The following ASAH1 variants were observed in gnomAD, a reference collection of about 807,000 sequenced individuals.
ASAH1 encodes the protein N-acylsphingosine amidohydrolase 1, also known as acid ceramidase.
A neutral mutation model predicts 59.5 loss-of-function variants in ASAH1; 70 were observed. The ratio of observed to expected loss-of-function variants is 1.18; its 90% CI spans 0.97 to 1.43. ASAH1 has a LOEUF of 1.43. ASAH1 is among the 40% of genes most tolerant of loss of function. ASAH1 has a pLI of 0.00. For missense variants in ASAH1, 660 were observed against 482.5 expected, an observed-to-expected ratio of 1.37 and a Z score of -3.45; for synonymous variants, 213 against 166.5, an observed-to-expected ratio of 1.28 and a Z score of -2.15.
intron 1 of ASAH1, among the ~76,000 whole-genome samples, chr8:18,078,545 G>T (rs567173950): frequency 2.0e-5 from 3 of 152,132 alleles, no homozygotes; most frequent in Non-Finnish European, 4.4e-5. Flanking sequence ...TTAGTTTTAG[G>T]GGTAGGGTGG....
chr8:18,080,962 C>G (rs1425711153), intron 1 of ASAH1, among the ~76,000 whole-genome samples: 1 of 152,186 alleles, frequency 6.6e-6, no homozygotes, highest in East Asian at 1.9e-4. Context: ...TATCCTATTT[C>G]TAGGTAAGTT....
chr8:18,071,334 C>G lies in ASAH1; in HGVS notation c.182G>C (p.Arg61Thr), dbSNP rs1800165104. The G allele has an allele frequency of 1.2e-6, 2 of 1,604,804 alleles. No individual in the cohort carries two copies. The highest frequency in any genetic ancestry group is 1.3e-5 in the African/African-American group (1 of 74,804). ...CTTGTCAAGCATCAATTCATGCCAT[C>G]TTTTGTAGGGTGGTAAGTCAAGATT... Reference protein sequence around the residue: ...TINLDLPPYKRWHELMLDKAP... With the variant: ...TINLDLPPYKTWHELMLDKAP... The change falls in exon 3 of 14, where the codon AGA (arginine) becomes ACA (threonine). Residue 61 changes from arginine to threonine, a missense_variant. Coordinates refer to ENST00000637790, the MANE Select transcript of ASAH1 (RefSeq NM_177924.5).
chr8:18,069,982 T>TTA, intron 3 of ASAH1, 104 bp from the exon 4 acceptor site: 4 of 728,322 alleles, frequency 5.5e-6, no homozygotes, highest in South Asian at 1.6e-5. Context: ...ATTTGACAAT[T>TTA]TATATATATA....
At chr8:18,075,012 T>TTTTTTTTTTTTTTTTTTTTTTA (rs1800334503) in intron 2 of ASAH1, among the ~76,000 whole-genome samples, 1 of 149,602 alleles carries the variant, frequency 6.7e-6, no homozygotes. Flanking sequence ...CTTTTTTTTT[T>TTTTTTTTTTTTTTTTTTTTTTA]TGAGACAGAG....
intron 3 of ASAH1, 86 bp from the exon 4 acceptor site, chr8:18,069,964 A>C (rs1800093548): frequency 3.4e-6 from 3 of 888,848 alleles, no homozygotes; most frequent in Non-Finnish European, 5.3e-6. Flanking sequence ...TAGCTAAAAG[A>C]GAGTGCTATT....
At chr8:18,070,339 G>A (rs755291112) in intron 3 of ASAH1, among the ~76,000 whole-genome samples, 6 of 151,968 alleles carry the variant, frequency 3.9e-5, no homozygotes, top group Admixed American at 2.0e-4. Flanking sequence ...TAGTAGAGAC[G>A]GGGTTTCACC....
chr8:18,084,419 G>C, upstream of ASAH1: 3 of 1,377,320 alleles, frequency 2.2e-6, no homozygotes, highest in South Asian at 1.5e-5. Context: ...GTGGCGCCTC[G>C]ATGGGGCGCC....
At chr8:18,067,653 G>A (rs1182815490) in intron 4 of ASAH1, 3 of 159,164 alleles carry the variant, frequency 1.9e-5, no homozygotes, top group Non-Finnish European at 4.0e-5. Context: ...ATCATAACAA[G>A]CACTCCTTAT....
intron 3 of ASAH1, 57 bp from the exon 4 acceptor site, chr8:18,069,935 C>G (rs1800091474): frequency 7.7e-7 from 1 of 1,293,116 alleles, no homozygotes; most frequent in African/African-American, 1.4e-5. Context: ...TCAAGATTAC[C>G]TTTTGGCTTA....
chr8:18,068,036 A>C (rs958232692), intron 4 of ASAH1: 4 of 152,168 alleles, frequency 2.6e-5, no homozygotes, highest in Non-Finnish European at 4.4e-5. Flanking sequence ...GCATTCCCCA[A>C]GTGGAATGTT....
At chr8:18,067,102 C>CACCTGTGCTGTATATCTAAGACATACAGA in intron 5 of ASAH1, 118 bp downstream of exon 5, 2 of 928,264 alleles carry the variant, frequency 2.2e-6, no homozygotes, top group Non-Finnish European at 3.1e-6. Flanking sequence ...AAGACCTGTG[C>CACCTGTGCTGTATATCTAAGACATACAGA]ACCTGTGCTG....
chr8:18,075,909 T>C (rs994288104), intron 1 of ASAH1: 5 of 388,300 alleles, frequency 1.3e-5, no homozygotes, highest in Middle Eastern at 8.3e-4. Context: ...GACTTAGCAC[T>C]AAAAGTAAAT....
intron 2 of ASAH1, 87 bp downstream of exon 2, chr8:18,075,454 A>G (rs1348166463): frequency 7.6e-7 from 1 of 1,319,980 alleles, no homozygotes; most frequent in Non-Finnish European, 1.1e-6. Flanking sequence ...GATTTTATTC[A>G]CTATCGTTCG....
chr8:18,063,028 C>T, intron 7 of ASAH1, 157 bp downstream of exon 7: 1 of 674,562 alleles, frequency 1.5e-6, no homozygotes. Context: ...CACCACCATG[C>T]CTGGCTAATT....
chr8:18,079,019 G>A (rs1361539410), intron 1 of ASAH1, among the ~76,000 whole-genome samples: 1 of 152,170 alleles, frequency 6.6e-6, no homozygotes, highest in Non-Finnish European at 1.5e-5. Context: ...GCTCATGCCT[G>A]TAATTCCAGC....
chr8:18,082,341 C>T (rs1800687289), intron 1 of ASAH1, among the ~76,000 whole-genome samples: 1 of 152,208 alleles, frequency 6.6e-6, no homozygotes, highest in African/African-American at 2.4e-5. Context: ...CTGAGTCCCA[C>T]AGCTATCTCT....
chr8:18,079,543 C>T (rs1465042504), intron 1 of ASAH1, among the ~76,000 whole-genome samples: 11 of 152,010 alleles, frequency 7.2e-5, no homozygotes, highest in South Asian at 2.1e-4. Flanking sequence ...TATTTGAGCC[C>T]GAAAGAATTA....
intron 1 of ASAH1, chr8:18,076,485 T>C (rs1046071958): frequency 2.6e-5 from 4 of 152,238 alleles, no homozygotes; most frequent in African/African-American, 9.6e-5. Flanking sequence ...AACCTTCTCC[T>C]AAACTTATCA....
chr8:18,067,122 G>GACATACAGCACCTGTGCTGTATATCTAAT, intron 5 of ASAH1, 98 bp downstream of exon 5: 7 of 540,432 alleles, frequency 1.3e-5, no homozygotes, highest in Non-Finnish European at 1.8e-5. Flanking sequence ...GTATATCTAA[G>GACATACAGCACCTGTGCTGTATATCTAAT]ACATACAGCA....
Sources: gnomAD v4.1 joint callset for allele counts (sites outside exome capture counted in the v4.1 genomes callset) on GRCh38, gnomAD v4.1.1 for gene constraint, MANE v1.5 for transcripts, NCBI Gene and HGNC (gene_info 2026-07-23, HGNC 2026-07-21) for gene names.